The following L3MBTL4 variants were observed in gnomAD, a reference collection of about 807,000 sequenced individuals.
L3MBTL4 encodes L3MBTL histone methyl-lysine binding protein 4.
Under a neutral mutation model 84.5 loss-of-function variants are expected in L3MBTL4, and 70 were observed. The ratio of observed to expected loss-of-function variants is 0.83; its 90% CI spans 0.68 to 1.01. The LOEUF (loss-of-function observed/expected upper bound fraction) is 1.01, where lower values mean the gene tolerates loss of function less well. Ranked by LOEUF, L3MBTL4 falls within the 50% of genes least tolerant of loss-of-function variation. L3MBTL4 has a pLI of 0.00. For missense variants in L3MBTL4, 715 were observed against 754.8 expected, an observed-to-expected ratio of 0.95 and a Z score of 0.62; for synonymous variants, 274 against 259.8, an observed-to-expected ratio of 1.05 and a Z score of -0.52.
intron 14 of L3MBTL4, among the ~76,000 whole-genome samples, chr18:6,125,554 G>A (rs980410656): frequency 6.6e-6 from 1 of 152,098 alleles, no homozygotes; most frequent in Non-Finnish European, 1.5e-5. Flanking sequence ...TCAGCCTGCT[G>A]AGTAGCTAGG....
intron 16 of L3MBTL4, among the ~76,000 whole-genome samples, chr18:6,067,010 A>C (rs771161585): frequency 3.5e-4 from 53 of 151,248 alleles, no homozygotes; most frequent in Non-Finnish European, 1.8e-4. Context: ...TTTGTTTGTC[A>C]GCATTTGTTT....
chr18:6,018,372 C>T lies in L3MBTL4; in HGVS notation c.1445-48810G>A, dbSNP rs1030388765. Among the ~76,000 whole-genome samples the T allele has an allele frequency of 1.2e-4, 18 of 152,126 alleles. 1 individual carries two copies. Among genetic ancestry groups the T allele is most frequent in the African/African-American group, 3.6e-4 (15 of 41,432 alleles). On this transcript the variant is annotated intron_variant, in intron 16 of 18. Coordinates refer to ENST00000317931, the MANE Select transcript of L3MBTL4 (RefSeq NM_001330559.2). ...CATGTGCACGTGAGCAAAGGCTGCA[C>T]GGGTGATTCTGATGAACAGCAGGGC...
chr18:6,179,908 G>A (rs1015050802), intron 12 of L3MBTL4, among the ~76,000 whole-genome samples: 1 of 152,170 alleles, frequency 6.6e-6, no homozygotes, highest in Non-Finnish European at 1.5e-5. Context: ...AAAGCTCTGG[G>A]ATTACAGGCA....
intron 16 of L3MBTL4, among the ~76,000 whole-genome samples, chr18:6,007,056 C>T (rs376285107): frequency 1.4e-4 from 21 of 151,816 alleles, no homozygotes; most frequent in South Asian, 8.3e-4. Context: ...TTATTAAATC[C>T]AAGAGTAAAT....
intron 16 of L3MBTL4, among the ~76,000 whole-genome samples, chr18:6,034,641 A>C (rs1292010351): frequency 6.6e-6 from 1 of 152,222 alleles, no homozygotes; most frequent in Non-Finnish European, 1.5e-5. Context: ...AGCATGATTT[A>C]TAGTCCTTTG....
At chr18:6,352,931 T>C (rs1351423810) in intron 1 of L3MBTL4, among the ~76,000 whole-genome samples, 2 of 152,210 alleles carry the variant, frequency 1.3e-5, no homozygotes, top group Non-Finnish European at 2.9e-5. Context: ...TCATACAGTT[T>C]ATATAAATTC....
intron 17 of L3MBTL4, among the ~76,000 whole-genome samples, chr18:5,961,990 C>CATA (rs202087480): frequency 6.6e-6 from 1 of 151,778 alleles, no homozygotes; most frequent in Non-Finnish European, 1.5e-5. Flanking sequence ...ACTGTGCTGG[C>CATA]TATATATACT....
At chr18:6,333,182 GA>G (rs1350263110) in intron 1 of L3MBTL4, among the ~76,000 whole-genome samples, 1 of 152,022 alleles carries the variant, frequency 6.6e-6, no homozygotes, top group Admixed American at 6.6e-5. Flanking sequence ...ATAAAAGTAT[GA>G]AAACTTTCAA....
At chr18:6,047,338 A>T (rs1488720736) in intron 16 of L3MBTL4, among the ~76,000 whole-genome samples, 1 of 152,178 alleles carries the variant, frequency 6.6e-6, no homozygotes, top group East Asian at 1.9e-4. Context: ...AGCTAGTACC[A>T]ATCCTACAGA....
At chr18:6,228,759 G>A (rs900660461) in intron 10 of L3MBTL4, among the ~76,000 whole-genome samples, 3 of 152,124 alleles carry the variant, frequency 2.0e-5, no homozygotes, top group Non-Finnish European at 2.9e-5. Flanking sequence ...ATGGAGATGC[G>A]GGGAGAGAAG....
chr18:6,234,260 G>C (rs547680230), intron 10 of L3MBTL4, among the ~76,000 whole-genome samples: 1 of 152,052 alleles, frequency 6.6e-6, no homozygotes, highest in South Asian at 2.1e-4. Flanking sequence ...GCATGGGCAA[G>C]GACTTCATGT....
At chr18:6,282,506 C>A (rs2049365542) in intron 4 of L3MBTL4, among the ~76,000 whole-genome samples, 1 of 152,100 alleles carries the variant, frequency 6.6e-6, no homozygotes, top group Non-Finnish European at 1.5e-5. Flanking sequence ...GGTTCCACGG[C>A]AGGACCTCAA....
intron 10 of L3MBTL4, among the ~76,000 whole-genome samples, chr18:6,234,234 AC>A (rs1209870753): frequency 9.2e-5 from 14 of 152,238 alleles, no homozygotes; most frequent in African/African-American, 3.4e-4. Flanking sequence ...CCTAGGCAGT[AC>A]CATTCAGGAC....
chr18:6,266,760 C>T (rs930565109), intron 4 of L3MBTL4, among the ~76,000 whole-genome samples: 2 of 151,962 alleles, frequency 1.3e-5, no homozygotes, highest in African/African-American at 4.8e-5. Context: ...CCCATCTCTC[C>T]TAAAAATACA....
chr18:6,055,863 G>A (rs36042989), intron 16 of L3MBTL4, among the ~76,000 whole-genome samples: 1,715 of 152,186 alleles, frequency 0.011, 27 homozygotes, highest in Non-Finnish European at 0.019. Context: ...AATCACAGAT[G>A]ACTAAGCTTT....
chr18:6,398,935 C>T (rs937968596), intron 1 of L3MBTL4, among the ~76,000 whole-genome samples: 5 of 152,122 alleles, frequency 3.3e-5, no homozygotes, highest in African/African-American at 1.2e-4. Flanking sequence ...CAAGGGAGCA[C>T]CCCAGTGTTT....
chr18:6,077,709 C>T (rs184864465), intron 16 of L3MBTL4, among the ~76,000 whole-genome samples: 11 of 149,524 alleles, frequency 7.4e-5, no homozygotes, highest in Admixed American at 2.0e-4. Flanking sequence ...CAAATTTTAG[C>T]CCATTTTCCT....
intron 16 of L3MBTL4, among the ~76,000 whole-genome samples, chr18:6,041,824 A>C (rs1402475517): frequency 1.3e-5 from 2 of 152,004 alleles, no homozygotes; most frequent in East Asian, 3.9e-4. Flanking sequence ...TCCCAGGCTC[A>C]AGTGATCTTC....
chr18:6,054,554 TG>T (rs1165576599), intron 16 of L3MBTL4, among the ~76,000 whole-genome samples: 1 of 152,142 alleles, frequency 6.6e-6, no homozygotes, highest in Non-Finnish European at 1.5e-5. Flanking sequence ...GCCCCTTCCC[TG>T]ACACTTCATT....
Sources: gnomAD v4.1 joint callset for allele counts (sites outside exome capture counted in the v4.1 genomes callset) on GRCh38, gnomAD v4.1.1 for gene constraint, MANE v1.5 for transcripts, NCBI Gene and HGNC (gene_info 2026-07-23, HGNC 2026-07-21) for gene names.